Variants in PRKCQ observed in about 807,000 individuals in gnomAD.
PRKCQ encodes the protein protein kinase C theta type.
A neutral mutation model predicts 91.2 loss-of-function variants in PRKCQ; 41 were observed. The ratio of observed to expected loss-of-function variants is 0.45; its 90% confidence interval spans 0.35 to 0.58. The LOEUF (loss-of-function observed/expected upper bound fraction) is 0.58, where lower values mean the gene tolerates loss of function less well. Among genes scored for constraint, PRKCQ ranks in the 20% least tolerant of loss-of-function variants. The pLI is 0.00. For missense variants in PRKCQ, 673 were observed against 896.5 expected (o/e 0.75, Z 3.18); for synonymous variants, 307 against 316.9 (o/e 0.97, Z 0.33).
chr10:6,439,538 C>T lies in PRKCQ; in HGVS notation c.1836+2355G>A, dbSNP rs558423237. ...TCCTGCCTCCCTTCCACCTCCTCCA[C>T]CTCTTTTGCCTCTGCCACTCCTAAG... is the stretch of plus-strand genomic sequence containing the variant. On this transcript the variant is annotated intron_variant, in intron 16 of 17. Transcript: ENST00000263125. Among the ~76,000 whole-genome samples the T allele has an allele frequency of 2.6e-5, 4 of 152,262 alleles. No homozygotes were observed. In the South Asian group the frequency reaches 6.2e-4, roughly 24 times the overall value.
At position 6,434,030 on chromosome 10, in the gene PRKCQ, T is replaced by TAAAAA. The variant is rs779037464; in HGVS notation, c.1837-3097_1837-3093dup. On this transcript the variant is annotated intron_variant, in intron 16 of 17. Transcript: ENST00000263125. ...GCCTGGGCAACAGAGCAAGACTCCT[T>TAAAAA]AAAAAAAAAAAAAAAAAAAGGAAGC... Among the ~76,000 whole-genome samples, 459 of 115,618 alleles carry TAAAAA rather than the reference T, an allele frequency of 4.0e-3. 3 individuals are homozygous for TAAAAA. Among genetic ancestry groups the TAAAAA allele is most frequent in the South Asian group, 0.016 (52 of 3,330 alleles). 75.8% of individuals were successfully genotyped at this position (115,618 alleles called of 152,430 possible). A position where few individuals can be genotyped will look rare whatever the true frequency, so the allele number is the denominator to read the frequency against.
chr10:6,451,663 A>C (rs573357238), intron 15 of PRKCQ, among the ~76,000 whole-genome samples: 2 of 152,332 alleles, frequency 1.3e-5, no homozygotes, highest in South Asian at 4.1e-4. Flanking sequence ...ATGAACATTG[A>C]TGCAAAAATC....
chr10:6,573,953 CA>C (rs1841133181), intron 1 of PRKCQ, among the ~76,000 whole-genome samples: 1 of 152,162 alleles, frequency 6.6e-6, no homozygotes, highest in Non-Finnish European at 1.5e-5. Context: ...ACCATCTCTA[CA>C]AAGTGCACAA....
chr10:6,398,617 C>T, the PRKCQ span, among the ~76,000 whole-genome samples: 72 of 152,190 alleles, frequency 4.7e-4, no homozygotes, highest in African/African-American at 1.6e-3. Flanking sequence ...GGACGTTTAC[C>T]CATCATTTCC....
At chr10:6,402,554 A>T in the PRKCQ span, among the ~76,000 whole-genome samples, 1 of 152,076 alleles carries the variant, frequency 6.6e-6, no homozygotes, top group African/African-American at 2.4e-5. Context: ...AGCAAAGGGG[A>T]CTTAACAATT....
intron 1 of PRKCQ, among the ~76,000 whole-genome samples, chr10:6,574,477 T>C (rs1330381313): frequency 6.6e-6 from 1 of 152,212 alleles, no homozygotes; most frequent in Middle Eastern, 3.2e-3. Context: ...TCTTTCACTC[T>C]ATAAACAGTC....
At chr10:6,411,333 A>G in the PRKCQ span, among the ~76,000 whole-genome samples, 8 of 152,192 alleles carry the variant, frequency 5.3e-5, no homozygotes, top group Admixed American at 5.2e-4. Context: ...AGTAAATATT[A>G]GCTATGATTA....
chr10:6,462,191 C>T, intron 14 of PRKCQ, 112 bp downstream of exon 14: 2 of 943,756 alleles, frequency 2.1e-6, no homozygotes, highest in South Asian at 2.9e-5. Flanking sequence ...ATGTGTGGAG[C>T]TTACTCCCAG....
intron 1 of PRKCQ, among the ~76,000 whole-genome samples, chr10:6,550,635 G>A (rs1271375912): frequency 6.6e-6 from 1 of 152,292 alleles, no homozygotes; most frequent in Non-Finnish European, 1.5e-5. Context: ...TATGTGGGTC[G>A]TCTCCACCTC....
the PRKCQ span, among the ~76,000 whole-genome samples, chr10:6,397,119 T>A: frequency 6.6e-6 from 1 of 152,218 alleles, no homozygotes; most frequent in Non-Finnish European, 1.5e-5. Flanking sequence ...TGTTTTTTTT[T>A]TGAGTCTCAC....
intron 15 of PRKCQ, among the ~76,000 whole-genome samples, chr10:6,452,686 C>T (rs1263201417): frequency 6.7e-5 from 10 of 150,086 alleles, no homozygotes; most frequent in Admixed American, 2.7e-4. Flanking sequence ...TACAAGGCTA[C>T]AGTAACCAAA....
intron 1 of PRKCQ, among the ~76,000 whole-genome samples, chr10:6,548,529 T>C (rs1267392170): frequency 6.8e-6 from 1 of 147,868 alleles, no homozygotes; most frequent in African/African-American, 2.5e-5. Context: ...GTGGCACATA[T>C]ACACCATGGA....
At chr10:6,521,954 T>TTTA (rs1397324482) in intron 1 of PRKCQ, among the ~76,000 whole-genome samples, 32 of 151,928 alleles carry the variant, frequency 2.1e-4, no homozygotes, top group African/African-American at 7.5e-4. Flanking sequence ...TATTTATTTA[T>TTTA]TTTTTTGAGA....
chr10:6,530,119 G>T (rs1291565688), intron 1 of PRKCQ, among the ~76,000 whole-genome samples: 3 of 152,146 alleles, frequency 2.0e-5, no homozygotes, highest in African/African-American at 7.2e-5. Context: ...ACAGGGTCAT[G>T]TTCTCAACAC....
chr10:6,537,207 TA>T (rs1361169668), intron 1 of PRKCQ, among the ~76,000 whole-genome samples: 1 of 152,238 alleles, frequency 6.6e-6, no homozygotes, highest in Non-Finnish European at 1.5e-5. Context: ...CTTTGTTTTC[TA>T]AAATAAAATT....
At position 6,506,204 on chromosome 10, in the gene PRKCQ, ATTCT is replaced by A. The variant is rs528777958; in HGVS notation, c.379+1228_379+1231del. Reference sequence around the variant, plus strand: ...AGAGTACATTTTTCCCATCTCAGTAATTCTTTCTTTCTTTTAAAAAAATTTTATT... The same window carrying A: ...AGAGTACATTTTTCCCATCTCAGTAATTCTTTCTTTTAAAAAAATTTTATT... On this transcript the variant is annotated intron_variant, in intron 4 of 17. Coordinates refer to ENST00000263125, the MANE Select transcript of PRKCQ (RefSeq NM_006257.5). 2.8e-4 allele frequency among the ~76,000 whole-genome samples: 42 copies of A among 152,284 alleles called. No individual in the cohort carries two copies. In the South Asian group the frequency reaches 4.3e-3, roughly 16 times the overall value.
the PRKCQ span, among the ~76,000 whole-genome samples, chr10:6,399,573 T>C: frequency 9.2e-5 from 14 of 151,484 alleles, no homozygotes; most frequent in Non-Finnish European, 2.1e-4. Flanking sequence ...AGCCACAAGA[T>C]GAGGAAGGTC....
intron 10 of PRKCQ, among the ~76,000 whole-genome samples, chr10:6,484,093 C>A (rs1225160960): frequency 6.6e-6 from 1 of 152,226 alleles, no homozygotes; most frequent in Admixed American, 6.5e-5. Context: ...TGAACTGCAT[C>A]ATTCATCCCA....
chr10:6,521,242 T>G (rs1199306892), intron 1 of PRKCQ, among the ~76,000 whole-genome samples: 2 of 152,216 alleles, frequency 1.3e-5, no homozygotes, highest in African/African-American at 4.8e-5. Context: ...TCTGCATTTT[T>G]GCTTAGGGAG....
Sources: gnomAD v4.1 joint callset for allele counts (sites outside exome capture counted in the v4.1 genomes callset) on GRCh38, gnomAD v4.1.1 for gene constraint, MANE v1.5 for transcripts, NCBI Gene and HGNC (gene_info 2026-07-23, HGNC 2026-07-21) for gene names.